SRC: variants seen among roughly 807,000 people sequenced by gnomAD.
SRC encodes proto-oncogene tyrosine-protein kinase Src.
A neutral mutation model predicts 62.9 loss-of-function variants in SRC; 13 were observed. The observed-to-expected ratio is 0.21, with a 90% confidence interval of 0.13 to 0.33. SRC has a LOEUF of 0.33. SRC is among the 10% of genes least tolerant of loss of function. The probability of loss-of-function intolerance (pLI) is 1.00; values close to 1 mark genes in which losing one functional copy is unlikely to be tolerated. For missense variants in SRC, 457 were observed against 737.3 expected (o/e 0.62, Z 4.40); for synonymous variants, 302 against 317.5 (o/e 0.95, Z 0.52).
At chr20:37,360,166 A>G (rs1343289336) in intron 1 of SRC, among the ~76,000 whole-genome samples, 1 of 150,404 alleles carries the variant, frequency 6.6e-6, no homozygotes, top group Admixed American at 6.6e-5. Context: ...TAGCCATAAA[A>G]CTAAAGTCCA....
chr20:37,352,637 G>A (rs906183402), intron 1 of SRC, among the ~76,000 whole-genome samples: 1 of 152,200 alleles, frequency 6.6e-6, no homozygotes, highest in Non-Finnish European at 1.5e-5. Flanking sequence ...ATCCTTGCCC[G>A]TTTGACCTGA....
intron 5 of SRC, among the ~76,000 whole-genome samples, chr20:37,391,551 C>T (rs1427601245): frequency 7.2e-5 from 11 of 152,096 alleles, no homozygotes; most frequent in African/African-American, 2.7e-4. Context: ...TCAGTTTCCC[C>T]AACTCTCTAA....
chr20:37,380,463 G>A (rs188901551), intron 2 of SRC, among the ~76,000 whole-genome samples: 21 of 152,318 alleles, frequency 1.4e-4, no homozygotes, highest in Admixed American at 1.0e-3. Context: ...ATGAGGAGCC[G>A]ATGAGTCAAT....
At chr20:37,387,202 C>T (rs1042058987) in intron 5 of SRC, among the ~76,000 whole-genome samples, 5 of 152,236 alleles carry the variant, frequency 3.3e-5, no homozygotes, top group Admixed American at 2.6e-4. Flanking sequence ...CCCCACTTGC[C>T]TTGCGCATGC....
chr20:37,347,121 C>T (rs1027508355), intron 1 of SRC, among the ~76,000 whole-genome samples: 4 of 152,262 alleles, frequency 2.6e-5, no homozygotes, highest in African/African-American at 9.6e-5. Flanking sequence ...CTTTCAGCCC[C>T]TGCGTCCTTC....
intron 2 of SRC, among the ~76,000 whole-genome samples, chr20:37,373,154 A>G (rs903806423): frequency 1.5e-5 from 2 of 131,648 alleles, no homozygotes; most frequent in African/African-American, 3.5e-5. Flanking sequence ...ACATATACAC[A>G]CATACACACA....
At chr20:37,376,919 A>C (rs1399201703) in intron 2 of SRC, among the ~76,000 whole-genome samples, 1 of 152,236 alleles carries the variant, frequency 6.6e-6, no homozygotes, top group Admixed American at 6.5e-5. Flanking sequence ...CCATGGGGTC[A>C]TTGGCACAGT....
At chr20:37,371,317 TTG>T (rs1253023856) in intron 2 of SRC, among the ~76,000 whole-genome samples, 1 of 152,152 alleles carries the variant, frequency 6.6e-6, no homozygotes, top group African/African-American at 2.4e-5. Context: ...TTTTGATAAT[TTG>T]TGTTTTTTTC....
chr20:37,370,002 G>A (rs2070136618), intron 2 of SRC, among the ~76,000 whole-genome samples: 1 of 152,108 alleles, frequency 6.6e-6, no homozygotes, highest in Admixed American at 6.5e-5. Context: ...ATTTTACCAT[G>A]TTGGCCACAC....
chr20:37,386,274 G>GAGCCCAGGGCAGTGTGA lies in SRC; in HGVS notation c.350+114_350+115insTGAAGCCCAGGGCAGTG, dbSNP rs1309265499. ...TCTGGCATCAGGGCAGCACAGTGCA[G>GAGCCCAGGGCAGTGTGA]AGCCCAGGGCAGTGCGAAGCCCAGG... On this transcript the variant is annotated intron_variant, in intron 5 of 13. Transcript: ENST00000373578. 8 of 1,192,292 alleles carry GAGCCCAGGGCAGTGTGA rather than the reference G, an allele frequency of 6.7e-6. No homozygotes were observed. In the African/African-American group the frequency reaches 1.3e-4, roughly 19 times the overall value. The allele number at this position is 1,192,292 out of a possible 1,614,324, so 73.9% of individuals were successfully genotyped here.
chr20:37,354,137 G>A (rs1038319483), intron 1 of SRC, among the ~76,000 whole-genome samples: 31 of 152,204 alleles, frequency 2.0e-4, no homozygotes, highest in African/African-American at 7.2e-4. Flanking sequence ...AATAGCATCC[G>A]CCAGGTCACA....
rs2147053965 is a variant in SRC, at chr20:37,384,740, C to A, written c.250+337C>A. On this transcript the variant is annotated intron_variant, in intron 4 of 13. Transcript: ENST00000373578. The surrounding 1 kb of genome is among the most constrained non-coding windows in gnomAD (Gnocchi z 6.7). ...CCAGTCCTTTTTCGTTGCCTGGGTC[C>A]GCCCAGAGATGAGTCGGGACGCGCG... Among the ~76,000 whole-genome samples the A allele has an allele frequency of 6.6e-6, 1 of 152,278 alleles. No homozygotes were observed. The highest frequency in any genetic ancestry group is 1.9e-4 in the East Asian group (1 of 5,170).
At chr20:37,393,602 C>T (rs948212256) in intron 5 of SRC, 9 of 383,292 alleles carry the variant, frequency 2.3e-5, no homozygotes, top group Admixed American at 4.0e-5. Flanking sequence ...CTTCCTGTCC[C>T]GGGACTCCTC....
intron 5 of SRC, among the ~76,000 whole-genome samples, chr20:37,391,651 C>T (rs1244177852): frequency 4.6e-5 from 7 of 152,002 alleles, no homozygotes; most frequent in South Asian, 2.1e-4. Flanking sequence ...GTCAGGAGTT[C>T]GAGACCACCC....
At chr20:37,383,255 G>A (rs570038210) in intron 3 of SRC, among the ~76,000 whole-genome samples, 1 of 152,330 alleles carries the variant, frequency 6.6e-6, no homozygotes, top group East Asian at 1.9e-4. Flanking sequence ...AGAACGGAAG[G>A]AGGCACCAGT....
intron 2 of SRC, among the ~76,000 whole-genome samples, chr20:37,366,563 A>G (rs950370504): frequency 6.6e-6 from 1 of 152,144 alleles, no homozygotes. Context: ...CTAGGCAGCA[A>G]CTAATCTAGT....
intron 2 of SRC, among the ~76,000 whole-genome samples, chr20:37,370,878 A>C (rs1028559838): frequency 2.6e-5 from 4 of 152,146 alleles, no homozygotes; most frequent in South Asian, 2.1e-4. Context: ...CAGTCCAGCT[A>C]TCTGGGCCTG....
At chr20:37,385,614 A>T (rs1306549638) in intron 4 of SRC, among the ~76,000 whole-genome samples, 2 of 152,180 alleles carry the variant, frequency 1.3e-5, no homozygotes, top group African/African-American at 4.8e-5. Flanking sequence ...CTTCCTGGAC[A>T]CCAGGAGCGC....
At position 37,402,172 on chromosome 20, in the gene SRC, G is replaced by A. The variant is rs2070747203; in HGVS notation, c.1117-263G>A. On this transcript the variant is annotated intron_variant, in intron 11 of 13. Coordinates refer to ENST00000373578, the MANE Select transcript of SRC (RefSeq NM_198291.3). The surrounding 1 kb of genome is among the most constrained non-coding windows in gnomAD (Gnocchi z 6.2). ...TGGGGCCTCTTTCCCTGGTCACCTCGCTTTCCTGGCTGCATCGGATCTCGT... is the reference window on the plus strand; with the variant it reads ...TGGGGCCTCTTTCCCTGGTCACCTCACTTTCCTGGCTGCATCGGATCTCGT... The A allele has an allele frequency of 4.6e-6, 2 of 430,836 alleles. No individual in the cohort carries two copies. 26.7% of individuals were successfully genotyped at this position (430,836 alleles called of 1,614,324 possible). A position where few individuals can be genotyped will look rare whatever the true frequency, so the allele number is the denominator to read the frequency against.
Sources: allele counts gnomAD v4.1 joint callset (sites outside exome capture counted in the v4.1 genomes callset), GRCh38; gene constraint gnomAD v4.1.1; non-coding constraint Gnocchi (gnomAD v3.1); transcripts MANE v1.5; gene names NCBI Gene and HGNC (gene_info 2026-07-23, HGNC 2026-07-21).